Variants in PCDH9 observed in about 807,000 individuals in gnomAD.
The protein encoded by PCDH9 is protocadherin-9.
A neutral mutation model predicts 70.6 loss-of-function variants in PCDH9; 24 were observed. The observed-to-expected ratio is 0.34, with a 90% CI of 0.25 to 0.48. The LOEUF (loss-of-function observed/expected upper bound fraction) is 0.48, where lower values mean the gene tolerates loss of function less well. Ranked by LOEUF, PCDH9 falls within the 20% of genes least tolerant of loss-of-function variation. PCDH9 has a pLI of 0.99. For missense variants in PCDH9, 1,281 were observed against 1,503.6 expected, an observed-to-expected ratio of 0.85 and a Z score of 2.45; for synonymous variants, 562 against 558.5, an observed-to-expected ratio of 1.01 and a Z score of -0.09.
chr13:67,169,283 T>C (rs2088210915), intron 2 of PCDH9, among the ~76,000 whole-genome samples: 1 of 152,238 alleles, frequency 6.6e-6, no homozygotes, highest in African/African-American at 2.4e-5. Context: ...TATAACATCC[T>C]AAAATCATCT....
At chr13:66,609,707 G>T (rs2077266893) in intron 4 of PCDH9, among the ~76,000 whole-genome samples, 1 of 151,462 alleles carries the variant, frequency 6.6e-6, no homozygotes, top group African/African-American at 2.4e-5. Context: ...TTAATAATTT[G>T]AAAAATTATT....
In PCDH9 at chr13:67,119,807, A is replaced by G. The variant is rs543725516; in HGVS notation, c.3036+105598T>C. ...CTGTGGTGGGGTGAGTCAGACAGACATCCTTAGGGCTTTAGAGAATCGTGC... is the reference window on the plus strand; with the variant it reads ...CTGTGGTGGGGTGAGTCAGACAGACGTCCTTAGGGCTTTAGAGAATCGTGC... On this transcript the variant is annotated intron_variant, in intron 2 of 4. Transcript: ENST00000377865. Among the ~76,000 whole-genome samples, 219 of 152,256 alleles carry G rather than the reference A, an allele frequency of 1.4e-3. 1 individual carries two copies. The highest frequency in any genetic ancestry group is 2.5e-3 in the Non-Finnish European group (169 of 68,012).
chr13:66,549,320 T>C (rs1471973851), intron 4 of PCDH9, among the ~76,000 whole-genome samples: 1 of 152,132 alleles, frequency 6.6e-6, no homozygotes, highest in East Asian at 1.9e-4. Flanking sequence ...ATCAAATAGC[T>C]TGCTTTATGA....
chr13:66,389,728 G>A (rs1259448578), intron 4 of PCDH9, among the ~76,000 whole-genome samples: 1 of 152,126 alleles, frequency 6.6e-6, no homozygotes, highest in Non-Finnish European at 1.5e-5. Flanking sequence ...CAGATAAGAA[G>A]AGCCATATTG....
intron 3 of PCDH9, among the ~76,000 whole-genome samples, chr13:66,821,530 A>C (rs552560796): frequency 1.3e-5 from 2 of 152,266 alleles, no homozygotes; most frequent in East Asian, 3.9e-4. Context: ...GTATTCATAG[A>C]AAAAGTCAGT....
intron 3 of PCDH9, among the ~76,000 whole-genome samples, chr13:66,655,146 A>C (rs2077911309): frequency 6.6e-6 from 1 of 152,040 alleles, no homozygotes; most frequent in African/African-American, 2.4e-5. Flanking sequence ...TTTTCTGGGA[A>C]CTACAGAAGA....
At chr13:66,321,150 G>A (rs760157221) in intron 4 of PCDH9, among the ~76,000 whole-genome samples, 5 of 151,874 alleles carry the variant, frequency 3.3e-5, no homozygotes, top group Admixed American at 2.0e-4. Flanking sequence ...GATTAAAAAC[G>A]GCTCTCCAAG....
intron 4 of PCDH9, among the ~76,000 whole-genome samples, chr13:66,550,425 T>C (rs1349730274): frequency 6.6e-6 from 1 of 152,206 alleles, no homozygotes; most frequent in African/African-American, 2.4e-5. Context: ...TAGAAACATA[T>C]GTTATGGTTG....
chr13:66,468,227 A>G (rs1488749779), intron 4 of PCDH9, among the ~76,000 whole-genome samples: 1 of 152,090 alleles, frequency 6.6e-6, no homozygotes, highest in Non-Finnish European at 1.5e-5. Flanking sequence ...AAAACCTTCA[A>G]TGTGTTGCTT....
At chr13:66,358,758 G>A (rs1467605990) in intron 4 of PCDH9, among the ~76,000 whole-genome samples, 1 of 151,890 alleles carries the variant, frequency 6.6e-6, no homozygotes, top group East Asian at 1.9e-4. Flanking sequence ...TAGTTTCAGT[G>A]TGTGTGTGTT....
chr13:66,684,197 G>T (rs750039420), intron 3 of PCDH9, among the ~76,000 whole-genome samples: 2 of 152,048 alleles, frequency 1.3e-5, no homozygotes, highest in South Asian at 4.2e-4. Context: ...TTTTATACTC[G>T]ACTACTAAAG....
At chr13:66,513,030 G>A (rs1470216729) in intron 4 of PCDH9, among the ~76,000 whole-genome samples, 2 of 151,970 alleles carry the variant, frequency 1.3e-5, no homozygotes, top group Admixed American at 6.6e-5. Flanking sequence ...TGTTCCGCAA[G>A]CTGGTCTCAA....
chr13:66,593,984 GT>G (rs377248729), intron 4 of PCDH9, among the ~76,000 whole-genome samples: 47 of 151,564 alleles, frequency 3.1e-4, no homozygotes, highest in African/African-American at 1.1e-3. Context: ...GAATAGTGGT[GT>G]TTTGGACAAC....
chr13:66,455,328 ATTC>A (rs1958297554), intron 4 of PCDH9, among the ~76,000 whole-genome samples: 1 of 151,736 alleles, frequency 6.6e-6, no homozygotes. Context: ...TTTTGAACAC[ATTC>A]TTCTTCTCCT....
chr13:66,637,892 C>G (rs986873343), intron 3 of PCDH9, among the ~76,000 whole-genome samples: 1 of 144,934 alleles, frequency 6.9e-6, no homozygotes, highest in Admixed American at 7.1e-5. Context: ...CTAGCCTGGG[C>G]GAGAGAGCAA....
intron 4 of PCDH9, among the ~76,000 whole-genome samples, chr13:66,479,611 C>T (rs902151302): frequency 1.3e-5 from 2 of 150,330 alleles, no homozygotes; most frequent in African/African-American, 4.8e-5. Flanking sequence ...GTAAATGCAC[C>T]AATCAGCACT....
intron 3 of PCDH9, among the ~76,000 whole-genome samples, chr13:66,863,042 T>C (rs994365809): frequency 1.3e-5 from 2 of 152,214 alleles, no homozygotes; most frequent in African/African-American, 4.8e-5. Flanking sequence ...CATTTTCAAG[T>C]ACATAACATT....
chr13:66,613,793 C>G (rs1219154990), intron 4 of PCDH9, among the ~76,000 whole-genome samples: 1 of 152,120 alleles, frequency 6.6e-6, no homozygotes, highest in East Asian at 1.9e-4. Context: ...AAGACAAGCA[C>G]TGGGATCAAA....
intron 2 of PCDH9, among the ~76,000 whole-genome samples, chr13:67,059,374 A>T (rs2085490284): frequency 6.9e-6 from 1 of 144,974 alleles, no homozygotes; most frequent in African/African-American, 2.6e-5. Flanking sequence ...TAGTGTGTAT[A>T]TATATATATA....
Sources: gnomAD v4.1 joint callset for allele counts (sites outside exome capture counted in the v4.1 genomes callset) on GRCh38, gnomAD v4.1.1 for gene constraint, MANE v1.5 for transcripts, NCBI Gene and HGNC (gene_info 2026-07-23, HGNC 2026-07-21) for gene names.